EPX: variants seen among roughly 807,000 people sequenced by gnomAD.
EPX encodes the protein eosinophil peroxidase.
In EPX, 60 loss-of-function variants were observed where a neutral mutation model predicts 73.0. That is an observed-to-expected ratio of 0.82 (90% CI 0.67 to 1.02). The LOEUF (loss-of-function observed/expected upper bound fraction) is 1.02. Ranked by LOEUF, EPX falls within the 50% of genes least tolerant of loss-of-function variation. The pLI, the probability that EPX is intolerant of heterozygous loss-of-function variation, is 0.00. For synonymous variants in EPX, 347 were observed against 389.2 expected, an observed-to-expected ratio of 0.89 and a Z score of 1.28; for missense variants, 950 against 973.9, an observed-to-expected ratio of 0.98 and a Z score of 0.33.
chr17:58,202,917 G>C (rs1469616414), intron 10 of EPX, 164 bp from the exon 11 acceptor site: 2 of 672,730 alleles, frequency 3.0e-6, no homozygotes, highest in Non-Finnish European at 5.4e-6. Flanking sequence ...TCAGAGGACA[G>C]AAACCTAGTC....
intron 7 of EPX, among the ~76,000 whole-genome samples, chr17:58,197,884 G>GGC (rs1968284610): frequency 2.0e-5 from 3 of 152,078 alleles, no homozygotes; most frequent in African/African-American, 7.2e-5. Context: ...CGCCCAGGCT[G>GGC]GAGTGCAGTG....
chr17:58,194,681 C>T (rs1968228656), intron 5 of EPX, among the ~76,000 whole-genome samples: 1 of 152,206 alleles, frequency 6.6e-6, no homozygotes, highest in Non-Finnish European at 1.5e-5. Flanking sequence ...TCTATTTGAT[C>T]TCCCTTCCCC....
At position 58,200,281 on chromosome 17, in the gene EPX, C is replaced by T; in HGVS notation, c.1594C>T (p.Gln532Ter). The T allele has an allele frequency of 6.2e-7, 1 of 1,614,214 alleles. No individual in the cohort carries two copies. Among genetic ancestry groups the T allele is most frequent in the African/African-American group, 1.3e-5 (1 of 75,068 alleles). ...GGCCACCCCTGCCAAGCTGAACCGTCAGGATGCCATGTTAGTGGATGAGCT... is the reference window on the plus strand; with the variant it reads ...GGCCACCCCTGCCAAGCTGAACCGTTAGGATGCCATGTTAGTGGATGAGCT... ...LMATPAKLNRQDAMLVDELRD... is the reference protein window; with the variant it reads ...LMATPAKLNR The change falls in exon 10 of 13, where the codon CAG (glutamine) becomes TAG (stop). Residue 532 changes from glutamine to a stop codon, truncating the protein, a stop_gained. Transcript: ENST00000225371. LOFTEE classifies it high-confidence loss of function.
rs1450826422 is a variant in EPX at position 58,193,040 on chromosome 17, TC to T, written c.83del (p.Pro28LeufsTer13). 1 of 1,610,856 alleles carries T rather than the reference TC, an allele frequency of 6.2e-7. No individual in the cohort carries two copies. Among genetic ancestry groups the T allele is most frequent in the East Asian group, 2.2e-5 (1 of 44,858 alleles). Reference sequence around the variant, plus strand: ...TGAGTCCCCATCTCTTTGAACAGCCTCCCCTGGGGCAGTGGAGACCTCGGTC... The same window carrying T: ...TGAGTCCCCATCTCTTTGAACAGCCTCCCTGGGGCAGTGGAGACCTCGGTC... ...AQPCEGTDPA[S>X]PGAVETSVLR... On this transcript the variant is annotated frameshift_variant, in exon 2 of 13. Transcript: ENST00000225371. LOFTEE classifies it high-confidence loss of function.
chr17:58,198,252 G>T (rs942982428), intron 7 of EPX, among the ~76,000 whole-genome samples: 1 of 152,140 alleles, frequency 6.6e-6, no homozygotes, highest in Non-Finnish European at 1.5e-5. Flanking sequence ...TGAATCATGC[G>T]CCCAAGAGCA....
At position 58,199,185 on chromosome 17, in the gene EPX, G is replaced by A. The variant is rs139284625; in HGVS notation, c.1266G>A (p.Met422Ile). 335 of 1,613,852 alleles carry A rather than the reference G, an allele frequency of 2.1e-4. 1 individual carries two copies. Among genetic ancestry groups the A allele is most frequent in the Middle Eastern group, 6.6e-4 (4 of 6,084 alleles). ...TGTACAATGAGGCTCGGAAGATCAT[G>A]GGGGCCATGGTCCAGGTAAGGAGCT... ...DKLYNEARKI[M>I]GAMVQIITYR... is the part of the protein sequence containing the mutation. Residue 422 changes from methionine to isoleucine, a missense_variant, in exon 8 of 13, where the codon ATG (methionine) becomes ATA (isoleucine). By Grantham distance (10) the Met-to-Ile change is conservative (BLOSUM62 1). Transcript: ENST00000225371.
rs1301424609 is a variant in EPX, at chr17:58,199,055, C to T, written c.1136C>T (p.Thr379Met). Residue 379 changes from threonine (T) to methionine (M), a missense_variant, in exon 8 of 13, where the codon ACG becomes ATG. Coordinates refer to ENST00000225371, the MANE Select transcript of EPX (RefSeq NM_000502.6). ...PCFLAGDTRS[T>M]ETPKLAAMHT... is the part of the protein sequence containing the mutation. ...GGTTTTCAAGGTGACACCCGATCAA[C>T]GGAAACCCCCAAACTGGCAGCCATG... is the stretch of plus-strand genomic sequence containing the variant. 8 of 1,613,870 alleles carry T rather than the reference C, an allele frequency of 5.0e-6. No homozygotes were observed. Among genetic ancestry groups the T allele is most frequent in the South Asian group, 1.1e-5 (1 of 91,082 alleles).
chr17:58,197,809 A>G (rs1000850455), intron 7 of EPX, among the ~76,000 whole-genome samples: 4 of 152,078 alleles, frequency 2.6e-5, no homozygotes, highest in African/African-American at 9.7e-5. Context: ...TAATAATGGT[A>G]GTCATTTCTC....
Position 58,199,785 on chromosome 17 carries a change from G to C in EPX, c.1528G>C (p.Val510Leu). The change falls in exon 9 of 13, where the codon GTG becomes CTG. Residue 510 changes from valine to leucine, a missense_variant. Coordinates refer to ENST00000225371, the MANE Select transcript of EPX (RefSeq NM_000502.6). ...SSAFFASWRIVYEGGIDPILR... is the reference protein window; with the variant it reads ...SSAFFASWRILYEGGIDPILR... ...TGCCTTCTTTGCCAGCTGGCGGATCGTGTATGAAGGTGACCAGGTTTTCCA... is the reference window on the plus strand; with the variant it reads ...TGCCTTCTTTGCCAGCTGGCGGATCCTGTATGAAGGTGACCAGGTTTTCCA... The C allele has an allele frequency of 6.2e-7, 1 of 1,611,852 alleles. No homozygotes were observed. Among genetic ancestry groups the C allele is most frequent in the Non-Finnish European group, 8.5e-7 (1 of 1,178,444 alleles).
chr17:58,201,563 G>T (rs1968341461), intron 10 of EPX, among the ~76,000 whole-genome samples: 1 of 152,202 alleles, frequency 6.6e-6, no homozygotes, highest in African/African-American at 2.4e-5. Flanking sequence ...ATGGGCAGGA[G>T]GGGTCTGGGT....
chr17:58,197,191 G>C lies in EPX; in HGVS notation c.1054G>C (p.Asp352His), dbSNP rs753502394. The C allele has an allele frequency of 1.9e-6, 3 of 1,613,656 alleles. No individual in the cohort carries two copies. The highest frequency in any genetic ancestry group is 2.5e-6 in the Non-Finnish European group (3 of 1,180,020). Residue 352 changes from aspartate (D) to histidine (H), a missense_variant, in exon 7 of 13, where the codon GAC (aspartate) becomes CAC (histidine). Physicochemically the swap from Asp to His is moderately conservative, Grantham distance 81. Coordinates refer to ENST00000225371, the MANE Select transcript of EPX (RefSeq NM_000502.6). ...CAACGGCCGGGCCCTGCTGCCCTTC[G>C]ACAACCTGCACGATGACCCCTGTCT... ...QDNGRALLPF[D>H]NLHDDPCLLT...
intron 5 of EPX, 150 bp from the exon 6 acceptor site, chr17:58,194,814 G>A (rs996142979): frequency 4.3e-5 from 30 of 705,690 alleles, no homozygotes; most frequent in African/African-American, 8.8e-5. Flanking sequence ...AGGTGGCTAC[G>A]CCTCCAGGGA....
In EPX at chr17:58,193,609, GAGGGAGGCAGGGTGCAC is replaced by G. The variant is rs1177377207; in HGVS notation, c.346+67_346+83del. 8.8e-6 allele frequency: 14 copies of G among 1,583,258 alleles called. No individual in the cohort carries two copies. The East Asian group carries it at 2.9e-4, about 33-fold the overall frequency. On this transcript the variant is annotated intron_variant, in intron 3 of 12. Transcript: ENST00000225371. ...GGCCTGGAGTAGAAGGAATCCAGGAGAGGGAGGCAGGGTGCACAGGTTTGGGGTGCTGGGAGGAGAGA... is the reference window on the plus strand; with the variant it reads ...GGCCTGGAGTAGAAGGAATCCAGGAGAGGTTTGGGGTGCTGGGAGGAGAGA...
chr17:58,200,254 AT>A lies in EPX; in HGVS notation c.1568del (p.Met523ArgfsTer7). On this transcript the variant is annotated frameshift_variant, in exon 10 of 13. Coordinates refer to ENST00000225371, the MANE Select transcript of EPX (RefSeq NM_000502.6). LOFTEE classifies it high-confidence loss of function. ...CATCGACCCCATCCTCCGGGGCCTC[AT>A]GGCCACCCCTGCCAAGCTGAACCGT... ...GGIDPILRGL[M>X]ATPAKLNRQD... 6.2e-7 allele frequency: 1 copy of A among 1,614,154 alleles called. No homozygotes were observed. Among genetic ancestry groups the A allele is most frequent in the Non-Finnish European group, 8.5e-7 (1 of 1,180,012 alleles).
At chr17:58,195,854 G>A (rs1289607856) in intron 6 of EPX, among the ~76,000 whole-genome samples, 1 of 152,162 alleles carries the variant, frequency 6.6e-6, no homozygotes, top group African/African-American at 2.4e-5. Flanking sequence ...TCAATCCCTG[G>A]CTTAGGGGCA....
rs765274120 is a variant in EPX, at chr17:58,199,623, T to C, written c.1366T>C (p.Ser456Pro). Residue 456 changes from serine to proline, a missense_variant, in exon 9 of 13, where the codon TCC becomes CCC. Coordinates refer to ENST00000225371, the MANE Select transcript of EPX (RefSeq NM_000502.6). The stretch of plus-strand genomic sequence containing the variant: ...CCTGGGGCACTACAGGGGGTACTGC[T>C]CCAATGTGGACCCACGGGTGGCCAA... ...RTLGHYRGYCSNVDPRVANVF... is the reference protein window; with the variant it reads ...RTLGHYRGYCPNVDPRVANVF... 6.2e-7 allele frequency: 1 copy of C among 1,614,038 alleles called. No homozygotes were observed. The highest frequency in any genetic ancestry group is 1.1e-5 in the South Asian group (1 of 91,072).
Position 58,202,897 on chromosome 17 carries a change from A to G in EPX, c.1709-184A>G, listed in dbSNP as rs143837098. 5.3e-4 allele frequency: 343 copies of G among 647,946 alleles called. No homozygotes were observed. In the African/African-American group the frequency reaches 5.7e-3, roughly 11 times the overall value. The allele number at this position is 647,946 out of a possible 1,614,324, so 40.1% of individuals were successfully genotyped here. A position where few individuals can be genotyped will look rare whatever the true frequency, so the allele number is the denominator to read the frequency against. ...GCACACTGAGCACAGTTGTCCACTC[A>G]CATTTTCAATCAGAGGACAGAAACC... On this transcript the variant is annotated intron_variant, in intron 10 of 12. Coordinates refer to ENST00000225371, the MANE Select transcript of EPX (RefSeq NM_000502.6).
intron 10 of EPX, 24 bp downstream of exon 10, chr17:58,200,419 T>C (rs1697817501): frequency 1.2e-6 from 2 of 1,612,902 alleles, no homozygotes; most frequent in Non-Finnish European, 1.7e-6. Context: ...CCACCTCTTC[T>C]CCCAGCTTTG....
Position 58,197,126 on chromosome 17 carries a change from ACTAC to A in EPX, c.992_995del (p.Tyr331TrpfsTer71). The A allele has an allele frequency of 6.2e-7, 1 of 1,614,208 alleles. No individual in the cohort carries two copies. The highest frequency in any genetic ancestry group is 8.5e-7 in the Non-Finnish European group (1 of 1,180,040). ...TCGCTGCGGCTCCGCAACCGGACCA[ACTAC>A]CTGGGGCTGCTGGCCATCAACCAGC... On this transcript the variant is annotated frameshift_variant, in exon 7 of 13. Transcript: ENST00000225371. LOFTEE classifies it high-confidence loss of function.
Sources: gnomAD v4.1 joint callset for allele counts (sites outside exome capture counted in the v4.1 genomes callset) on GRCh38, gnomAD v4.1.1 for gene constraint, MANE v1.5 for transcripts, NCBI Gene and HGNC (gene_info 2026-07-23, HGNC 2026-07-21) for gene names.